The following CLMP variants were observed in gnomAD, a reference collection of about 807,000 sequenced individuals.
The protein encoded by CLMP is CXADR like cell adhesion molecule.
CLMP carries 27 observed loss-of-function variants against 45.2 expected under a neutral mutation model. The ratio of observed to expected loss-of-function variants is 0.60; its 90% CI spans 0.44 to 0.82. The LOEUF is 0.82. Ranked by LOEUF, CLMP falls within the 40% of genes least tolerant of loss-of-function variation. The pLI is 0.00. For synonymous variants in CLMP, 167 were observed against 171.4 expected, an observed-to-expected ratio of 0.97 and a Z score of 0.20; for missense variants, 403 against 448.4, an observed-to-expected ratio of 0.90 and a Z score of 0.91.
intron 1 of CLMP, among the ~76,000 whole-genome samples, chr11:123,158,788 C>T (rs751544223): frequency 2.0e-5 from 3 of 152,126 alleles, no homozygotes; most frequent in Admixed American, 6.5e-5. Context: ...GTTTCTTCAC[C>T]CCTGTGAGCC....
rs12577945 is a variant in CLMP at position 123,189,567 on chromosome 11, C to A, written c.28+5346G>T. ...GTCATAATATTCCTGCCCATATAAT[C>A]CCCTGTCAGAGTACTACAAGTGGGC... is the stretch of plus-strand genomic sequence containing the variant. On this transcript the variant is annotated intron_variant, in intron 1 of 6. Transcript: ENST00000448775. 4.5e-4 allele frequency among the ~76,000 whole-genome samples: 68 copies of A among 152,268 alleles called. 1 individual carries two copies. The East Asian group carries it at 0.013, about 29-fold the overall frequency.
intron 1 of CLMP, among the ~76,000 whole-genome samples, chr11:123,149,221 G>A (rs1861278442): frequency 6.6e-6 from 1 of 152,180 alleles, no homozygotes; most frequent in South Asian, 2.1e-4. Context: ...GAAGAGGCAG[G>A]AAAGAATTCT....
intron 1 of CLMP, among the ~76,000 whole-genome samples, chr11:123,105,370 TCCCTCCCTC>T (rs1860527985): frequency 2.4e-4 from 16 of 67,500 alleles, no homozygotes; most frequent in East Asian, 4.3e-4. Flanking sequence ...CCTCCCTCCC[TCCCTCCCTC>T]CCTCCCTTCC....
intron 1 of CLMP, among the ~76,000 whole-genome samples, chr11:123,116,111 A>G (rs1860716917): frequency 6.6e-6 from 1 of 152,002 alleles, no homozygotes. Context: ...TGCAAAAAAG[A>G]GCACAAGATG....
chr11:123,084,450 G>T, intron 3 of CLMP, 62 bp downstream of exon 3: 2 of 1,364,340 alleles, frequency 1.5e-6, no homozygotes, highest in South Asian at 1.2e-5. Context: ...GATGCATATG[G>T]CTATCCCTCT....
intron 1 of CLMP, among the ~76,000 whole-genome samples, chr11:123,189,937 G>C (rs1861884289): frequency 6.6e-6 from 1 of 151,410 alleles, no homozygotes; most frequent in East Asian, 1.9e-4. Flanking sequence ...GGAAGGCAGG[G>C]GTTGCAGTGA....
chr11:123,125,442 T>C, intron 1 of CLMP, among the ~76,000 whole-genome samples: 1 of 147,664 alleles, frequency 6.8e-6, no homozygotes, highest in Admixed American at 6.8e-5. Context: ...TCCCCAGCAC[T>C]CACTCTCCCT....
rs113838524 is a variant in CLMP at position 123,170,644 on chromosome 11, T to C, written c.28+24269A>G. On this transcript the variant is annotated intron_variant, in intron 1 of 6. Transcript: ENST00000448775. ...TTAGTACAGATGGGGTTTCACCATG[T>C]TGGCCAAGCTGGTCTCGAACTACTG... Among the ~76,000 whole-genome samples the C allele has an allele frequency of 9.5e-3, 1,441 of 152,258 alleles. 26 individuals carry two copies. Among genetic ancestry groups the C allele is most frequent in the African/African-American group, 0.032 (1,340 of 41,528 alleles).
intron 1 of CLMP, among the ~76,000 whole-genome samples, chr11:123,131,180 C>G (rs985030281): frequency 2.0e-5 from 3 of 152,030 alleles, no homozygotes; most frequent in African/African-American, 7.2e-5. Flanking sequence ...CAAAATAGTA[C>G]TTAGGTGATC....
chr11:123,163,330 A>G (rs1171432721), intron 1 of CLMP, among the ~76,000 whole-genome samples: 1 of 152,182 alleles, frequency 6.6e-6, no homozygotes, highest in Non-Finnish European at 1.5e-5. Flanking sequence ...TACTTTAGAA[A>G]GATTAATTTA....
intron 1 of CLMP, among the ~76,000 whole-genome samples, chr11:123,100,080 C>T (rs1360388159): frequency 2.0e-5 from 3 of 151,966 alleles, no homozygotes; most frequent in East Asian, 1.9e-4. Context: ...GATTCAAAAG[C>T]GAAGACTGGG....
chr11:123,110,215 G>A (rs913652983), intron 1 of CLMP, among the ~76,000 whole-genome samples: 7 of 152,114 alleles, frequency 4.6e-5, no homozygotes, highest in Non-Finnish European at 2.9e-5. Flanking sequence ...CAGCACTTTG[G>A]GGGGCTGAGG....
chr11:123,150,459 GAAAGA>G, intron 1 of CLMP, among the ~76,000 whole-genome samples: 1 of 97,842 alleles, frequency 1.0e-5, no homozygotes, highest in African/African-American at 4.0e-5. Context: ...AAGAAAGAAA[GAAAGA>G]AAGAAAGAAA....
intron 2 of CLMP, among the ~76,000 whole-genome samples, chr11:123,093,029 T>A (rs1865951785): frequency 6.6e-6 from 1 of 151,166 alleles, no homozygotes; most frequent in Non-Finnish European, 1.5e-5. Context: ...TGCCTCAGCC[T>A]CCTGAGTAAC....
chr11:123,146,604 C>A (rs1257094358), intron 1 of CLMP, among the ~76,000 whole-genome samples: 1 of 152,066 alleles, frequency 6.6e-6, no homozygotes, highest in East Asian at 1.9e-4. Flanking sequence ...CTGCATGACA[C>A]CCTCTTCTCT....
rs550225825 is a variant in CLMP at position 123,133,128 on chromosome 11, T to C, written c.29-35176A>G. Reference sequence around the variant, plus strand: ...ATTGTTGGGATGACCTGGAGATATGTTCAGGGAAAGACGGGAAGTTTGCAA... The same window carrying C: ...ATTGTTGGGATGACCTGGAGATATGCTCAGGGAAAGACGGGAAGTTTGCAA... On this transcript the variant is annotated intron_variant, in intron 1 of 6. Coordinates refer to ENST00000448775, the MANE Select transcript of CLMP (RefSeq NM_024769.5). Among the ~76,000 whole-genome samples, 9 of 152,274 alleles carry C rather than the reference T, an allele frequency of 5.9e-5. No individual in the cohort carries two copies. In the East Asian group the frequency reaches 1.7e-3, roughly 29 times the overall value.
chr11:123,104,682 G>A (rs539539729), intron 1 of CLMP, among the ~76,000 whole-genome samples: 112 of 152,152 alleles, frequency 7.4e-4, no homozygotes, highest in African/African-American at 2.5e-3. Flanking sequence ...CACCGCGTCC[G>A]GCCTCTGTCT....
chr11:123,076,176 A>C (rs1313695597), intron 5 of CLMP, among the ~76,000 whole-genome samples: 2 of 152,122 alleles, frequency 1.3e-5, no homozygotes, highest in African/African-American at 4.8e-5. Context: ...AAAAATTTTG[A>C]GTAGAATAAA....
chr11:123,093,157 C>T (rs1161591797), intron 2 of CLMP, among the ~76,000 whole-genome samples: 2 of 151,966 alleles, frequency 1.3e-5, no homozygotes, highest in Non-Finnish European at 2.9e-5. Context: ...CCACTGGCCT[C>T]AGCCTCCCAA....
Sources: gnomAD v4.1 joint callset for allele counts (sites outside exome capture counted in the v4.1 genomes callset) on GRCh38, gnomAD v4.1.1 for gene constraint, MANE v1.5 for transcripts, NCBI Gene and HGNC (gene_info 2026-07-23, HGNC 2026-07-21) for gene names.